PCDHA7: variants seen among roughly 807,000 people sequenced by gnomAD.
PCDHA7 encodes protocadherin alpha 7.
In PCDHA7, 37 loss-of-function variants were observed where a neutral mutation model predicts 57.2. The ratio of observed to expected loss-of-function variants is 0.65; its 90% CI spans 0.50 to 0.85. The LOEUF (loss-of-function observed/expected upper bound fraction) is 0.85. Among genes scored for constraint, PCDHA7 ranks in the 40% least tolerant of loss-of-function variants. PCDHA7 has a pLI of 0.00. For missense variants in PCDHA7, 1,188 were observed against 1,241.8 expected (o/e 0.96, Z 0.65); for synonymous variants, 553 against 558.8 (o/e 0.99, Z 0.15).
intron 1 of PCDHA7, chr5:140,841,282 T>A: frequency 6.5e-7 from 1 of 1,545,352 alleles, no homozygotes; most frequent in Non-Finnish European, 8.7e-7. Context: ...TTCATCTTTA[T>A]ATTAAGATAA....
At chr5:140,944,629 A>G (rs1371756120) in intron 1 of PCDHA7, among the ~76,000 whole-genome samples, 3 of 152,172 alleles carry the variant, frequency 2.0e-5, no homozygotes, top group African/African-American at 7.2e-5. Context: ...ATAGTGTTGT[A>G]AGCCAGTGTG....
intron 3 of PCDHA7, among the ~76,000 whole-genome samples, chr5:141,003,916 A>C (rs1176586597): frequency 3.9e-5 from 6 of 152,150 alleles, no homozygotes; most frequent in African/African-American, 1.4e-4. Context: ...TCTTGACTGC[A>C]TCCTCAGTCT....
intron 1 of PCDHA7, chr5:140,869,763 A>G: frequency 1.9e-6 from 3 of 1,613,302 alleles, no homozygotes; most frequent in Non-Finnish European, 2.5e-6. Flanking sequence ...GGGGAAAACC[A>G]GAGCTTACTG....
At chr5:140,887,961 G>A (rs1311969868) in intron 1 of PCDHA7, among the ~76,000 whole-genome samples, 1 of 151,770 alleles carries the variant, frequency 6.6e-6, no homozygotes, top group African/African-American at 2.4e-5. Flanking sequence ...GATTCTTTTT[G>A]TCTCTTTTAA....
chr5:140,911,404 A>G (rs2075457175), intron 1 of PCDHA7, among the ~76,000 whole-genome samples: 1 of 152,174 alleles, frequency 6.6e-6, no homozygotes, highest in African/African-American at 2.4e-5. Flanking sequence ...CAGGTCAGCC[A>G]CTGGTATGAT....
intron 1 of PCDHA7, chr5:140,852,884 T>A (rs1486240342): frequency 6.4e-6 from 6 of 931,694 alleles, no homozygotes; most frequent in Non-Finnish European, 7.8e-6. Context: ...TCATAAAACG[T>A]ATTTTTTTTT....
intron 2 of PCDHA7, among the ~76,000 whole-genome samples, chr5:140,979,467 ATTG>A (rs1219222898): frequency 6.6e-6 from 1 of 151,680 alleles, no homozygotes; most frequent in Non-Finnish European, 1.5e-5. Context: ...ATTGATTGCT[ATTG>A]TTGTTTGTGT....
intron 1 of PCDHA7, among the ~76,000 whole-genome samples, chr5:140,915,719 T>A (rs545655335): frequency 6.6e-6 from 1 of 151,956 alleles, no homozygotes; most frequent in African/African-American, 2.4e-5. Flanking sequence ...GCCCCCACTT[T>A]GGATTGTGCT....
intron 1 of PCDHA7, chr5:140,857,046 G>A: frequency 6.3e-7 from 1 of 1,595,842 alleles, no homozygotes; most frequent in African/African-American, 1.3e-5. Context: ...GTTGGTCACT[G>A]CACGGTCCTA....
chr5:140,878,011 A>G (rs1008308579), intron 1 of PCDHA7: 1 of 843,992 alleles, frequency 1.2e-6, no homozygotes, highest in Non-Finnish European at 1.7e-6. Flanking sequence ...TCTAACATTA[A>G]TGAAGGAAAT....
chr5:140,952,914 T>C (rs1020868857), intron 1 of PCDHA7, among the ~76,000 whole-genome samples: 1 of 151,982 alleles, frequency 6.6e-6, no homozygotes, highest in South Asian at 2.1e-4. Context: ...TCATCTTACA[T>C]GGCATGAGCA....
At chr5:140,853,090 A>T in intron 1 of PCDHA7, 2 of 331,170 alleles carry the variant, frequency 6.0e-6, no homozygotes, top group Non-Finnish European at 8.8e-6. Flanking sequence ...CGTGTTAGTC[A>T]GGATGGTCTC....
At chr5:141,004,495 C>T (rs1363359146) in intron 3 of PCDHA7, among the ~76,000 whole-genome samples, 14 of 152,182 alleles carry the variant, frequency 9.2e-5, no homozygotes, top group Admixed American at 9.2e-4. Flanking sequence ...TCTTGGCAGT[C>T]CTGCTGTGAG....
chr5:140,967,963 A>G (rs1554230144), intron 1 of PCDHA7: 1 of 1,614,210 alleles, frequency 6.2e-7, no homozygotes, highest in South Asian at 1.1e-5. Flanking sequence ...CCAACCGGAA[A>G]GTGAGCCTGG....
In PCDHA7 at chr5:140,883,789, C is replaced by T. The variant is rs782802452; in HGVS notation, c.2355+47051C>T. ...TGGGCGAGCGTGCGCTGTCGAGCTACGTGTCGGTGCACGCGGAGAGCGGCA... is the reference window on the plus strand; with the variant it reads ...TGGGCGAGCGTGCGCTGTCGAGCTATGTGTCGGTGCACGCGGAGAGCGGCA... On this transcript the variant is annotated intron_variant, in intron 1 of 3. Coordinates refer to ENST00000525929, the MANE Select transcript of PCDHA7 (RefSeq NM_018910.3). 1.4e-5 allele frequency: 22 copies of T among 1,612,296 alleles called. No homozygotes were observed. In the South Asian group the frequency reaches 2.0e-4, roughly 14 times the overall value.
chr5:140,965,326 A>T (rs184855153), intron 1 of PCDHA7, among the ~76,000 whole-genome samples: 1 of 152,298 alleles, frequency 6.6e-6, no homozygotes, highest in African/African-American at 2.4e-5. Context: ...TACTGAAGTG[A>T]ATTTGTTGTC....
At chr5:140,856,434 C>G (rs551569829) in intron 1 of PCDHA7, 1 of 1,598,320 alleles carries the variant, frequency 6.3e-7, no homozygotes, top group South Asian at 1.1e-5. Context: ...AACGACAACC[C>G]GCCCAGGTTC....
At chr5:140,922,858 G>C (rs1363202579) in intron 1 of PCDHA7, among the ~76,000 whole-genome samples, 1 of 152,124 alleles carries the variant, frequency 6.6e-6, no homozygotes, top group Non-Finnish European at 1.5e-5. Flanking sequence ...CAAATACATA[G>C]ACAAGGGGAA....
At chr5:140,937,718 C>T (rs538350541) in intron 1 of PCDHA7, among the ~76,000 whole-genome samples, 1 of 152,076 alleles carries the variant, frequency 6.6e-6, no homozygotes, top group South Asian at 2.1e-4. Context: ...CAAGACCATC[C>T]TGGCTAACAC....
Sources: allele counts gnomAD v4.1 joint callset (sites outside exome capture counted in the v4.1 genomes callset), GRCh38; gene constraint gnomAD v4.1.1; transcripts MANE v1.5; gene names NCBI Gene and HGNC (gene_info 2026-07-23, HGNC 2026-07-21).